FAM124A: variants seen among roughly 807,000 people sequenced by gnomAD.
FAM124A encodes the protein protein FAM124A.
In FAM124A, 23 loss-of-function variants were observed where a neutral mutation model predicts 24.5. The observed-to-expected ratio is 0.94, with a 90% CI of 0.68 to 1.33. FAM124A has a LOEUF of 1.33. Among genes scored for constraint, FAM124A ranks in the 40% most tolerant of loss-of-function variants. The pLI is 0.00. For missense variants in FAM124A, 623 were observed against 722.8 expected (o/e 0.86, Z 1.58); for synonymous variants, 287 against 314.7 (o/e 0.91, Z 0.93).
chr13:51,271,206 C>A (rs562676665), intron 3 of FAM124A, among the ~76,000 whole-genome samples: 97 of 152,288 alleles, frequency 6.4e-4, no homozygotes, highest in Middle Eastern at 6.8e-3. Context: ...ACAGAACGCT[C>A]CTGTGTGCTG....
At chr13:51,223,383 CAG>C (rs1954282394) in intron 1 of FAM124A, among the ~76,000 whole-genome samples, 1 of 152,120 alleles carries the variant, frequency 6.6e-6, no homozygotes, top group African/African-American at 2.4e-5. Context: ...CTTTCCTGTG[CAG>C]AGTCAGCACC....
chr13:51,278,792 G>A (rs934900361), intron 3 of FAM124A, among the ~76,000 whole-genome samples: 11 of 152,202 alleles, frequency 7.2e-5, no homozygotes, highest in Admixed American at 2.0e-4. Flanking sequence ...AAGCACAGTC[G>A]TGAAAATCTC....
rs765161763 is a variant in FAM124A at position 51,251,848 on chromosome 13, G to T, written c.481G>T (p.Ala161Ser). The change falls in exon 3 of 4, where the codon GCC (alanine) becomes TCC (serine). Residue 161 changes from alanine (A) to serine (S), a missense_variant. Coordinates refer to ENST00000322475, the MANE Select transcript of FAM124A (RefSeq NM_001242312.2). The surrounding 1 kb of genome is among the most constrained non-coding windows in gnomAD (Gnocchi z 5.3). Reference sequence around the variant, plus strand: ...GCTGGCCCCTGGGACGCCGCTTTGGGCCATCCGGCCCGTGCACTACGGCAA... The same window carrying T: ...GCTGGCCCCTGGGACGCCGCTTTGGTCCATCCGGCCCGTGCACTACGGCAA... ...FTLAPGTPLW[A>S]IRPVHYGKEI... 6.2e-7 allele frequency: 1 copy of T among 1,611,886 alleles called. No individual in the cohort carries two copies. Among genetic ancestry groups the T allele is most frequent in the South Asian group, 1.1e-5 (1 of 90,728 alleles).
At position 51,244,267 on chromosome 13, in the gene FAM124A, C is replaced by G. The variant is rs1185029315; in HGVS notation, c.101-7201C>G. 2.6e-5 allele frequency among the ~76,000 whole-genome samples: 4 copies of G among 152,180 alleles called. No homozygotes were observed. In the East Asian group the frequency reaches 7.7e-4, roughly 29 times the overall value. On this transcript the variant is annotated intron_variant, in intron 2 of 3. Transcript: ENST00000322475. The stretch of plus-strand genomic sequence containing the variant: ...TGTGTGTGTTCAGTGAAGTGTCTGT[C>G]TGTAGGACTTAGCTACCCGGCTTAC...
intron 3 of FAM124A, among the ~76,000 whole-genome samples, chr13:51,254,423 C>T (rs929573793): frequency 2.6e-5 from 4 of 152,102 alleles, no homozygotes; most frequent in Admixed American, 1.3e-4. Flanking sequence ...CTACTCACCC[C>T]TTGTAAGAAT....
At chr13:51,275,774 A>G (rs7990291) in intron 3 of FAM124A, among the ~76,000 whole-genome samples, 28,477 of 152,174 alleles carry the variant, frequency 0.19, 3,770 homozygotes, top group African/African-American at 0.37. Context: ...AATTCCTGGT[A>G]GAATTATGTA....
At chr13:51,246,383 A>C in intron 2 of FAM124A, among the ~76,000 whole-genome samples, 1 of 119,310 alleles carries the variant, frequency 8.4e-6, no homozygotes, top group East Asian at 2.8e-4. Context: ...CCAGCTCCAC[A>C]GAGGCATGTT....
rs772175192 is a variant in FAM124A at position 51,236,248 on chromosome 13, G to A, written c.100+4869G>A. On this transcript the variant is annotated intron_variant, in intron 2 of 3. Transcript: ENST00000322475. Reference sequence around the variant, plus strand: ...CAGGTGTCTTGGTTAATTACAAGCCGTTATAGCTGGTCTAGAGCCACCACT... The same window carrying A: ...CAGGTGTCTTGGTTAATTACAAGCCATTATAGCTGGTCTAGAGCCACCACT... 6.6e-5 allele frequency among the ~76,000 whole-genome samples: 10 copies of A among 152,314 alleles called. 1 individual carries two copies. The highest frequency in any genetic ancestry group is 3.3e-4 in the Admixed American group (5 of 15,306).
At position 51,272,969 on chromosome 13, in the gene FAM124A, A is replaced by T. The variant is rs1445229969; in HGVS notation, c.835-7481A>T. 6.6e-6 allele frequency among the ~76,000 whole-genome samples: 1 copy of T among 152,234 alleles called. No individual in the cohort carries two copies. Among genetic ancestry groups the T allele is most frequent in the African/African-American group, 2.4e-5 (1 of 41,466 alleles). On this transcript the variant is annotated intron_variant, in intron 3 of 3. Transcript: ENST00000322475. The surrounding 1 kb of genome is among the most constrained non-coding windows in gnomAD (Gnocchi z 4.2). The stretch of plus-strand genomic sequence containing the variant: ...TGCTCTAAGAAATGACACTTGGATA[A>T]GGGTAAAACCTCTTTTTTTCCCCCA...
At chr13:51,268,283 A>G (rs1954808196) in intron 3 of FAM124A, among the ~76,000 whole-genome samples, 1 of 152,242 alleles carries the variant, frequency 6.6e-6, no homozygotes, top group African/African-American at 2.4e-5. Flanking sequence ...TGAAAGGGCA[A>G]TGGAAAGGAG....
chr13:51,252,402 C>T (rs565640196), intron 3 of FAM124A: 11 of 670,074 alleles, frequency 1.6e-5, no homozygotes, highest in African/African-American at 1.6e-4. Context: ...CCCATTGGTT[C>T]TCTTCATTTC....
chr13:51,236,537 G>A (rs369631811), intron 2 of FAM124A, among the ~76,000 whole-genome samples: 1 of 152,236 alleles, frequency 6.6e-6, no homozygotes, highest in African/African-American at 2.4e-5. Flanking sequence ...TTACATTTGT[G>A]ATAAGCCAAT....
Position 51,245,377 on chromosome 13 carries a change from A to C in FAM124A, c.101-6091A>C, listed in dbSNP as rs746890885. On this transcript the variant is annotated intron_variant, in intron 2 of 3. Coordinates refer to ENST00000322475, the MANE Select transcript of FAM124A (RefSeq NM_001242312.2). ...TTACTGTACACACGGTGACAAAGAA[A>C]AGGGAAGATGGAGCCTCCAGGTTGA... is the stretch of plus-strand genomic sequence containing the variant. 4.7e-5 allele frequency: 33 copies of C among 695,254 alleles called. No individual in the cohort carries two copies. The South Asian group carries it at 5.1e-4, about 11-fold the overall frequency. The allele number at this position is 695,254 out of a possible 1,614,324, so 43.1% of individuals were successfully genotyped here. A position where few individuals can be genotyped will look rare whatever the true frequency, so the allele number is the denominator to read the frequency against.
chr13:51,264,547 C>G (rs2085919242), intron 3 of FAM124A, among the ~76,000 whole-genome samples: 1 of 152,098 alleles, frequency 6.6e-6, no homozygotes, highest in South Asian at 2.1e-4. Flanking sequence ...TCACTTGCGC[C>G]CAGGAGTTCC....
intron 2 of FAM124A, among the ~76,000 whole-genome samples, chr13:51,246,004 A>G (rs1954553736): frequency 6.6e-6 from 1 of 152,232 alleles, no homozygotes. Context: ...GCTTTCTTTA[A>G]CACTGTTTTC....
intron 3 of FAM124A, among the ~76,000 whole-genome samples, chr13:51,268,586 G>T (rs530609381): frequency 6.6e-6 from 1 of 152,202 alleles, no homozygotes; most frequent in Non-Finnish European, 1.5e-5. Flanking sequence ...TCAGGGTCCT[G>T]TAGCATGAAC....
At chr13:51,257,493 G>A (rs1328035331) in intron 3 of FAM124A, among the ~76,000 whole-genome samples, 3 of 152,212 alleles carry the variant, frequency 2.0e-5, no homozygotes, top group Non-Finnish European at 4.4e-5. Context: ...ATTTGTGTGC[G>A]TGTGCTTATG....
chr13:51,274,343 T>C (rs977472073), intron 3 of FAM124A, among the ~76,000 whole-genome samples: 2 of 152,224 alleles, frequency 1.3e-5, no homozygotes, highest in African/African-American at 4.8e-5. Flanking sequence ...ATTATACTTA[T>C]CACTTGAGCA....
At chr13:51,250,840 A>G (rs937476183) in intron 2 of FAM124A, among the ~76,000 whole-genome samples, 1 of 152,174 alleles carries the variant, frequency 6.6e-6, no homozygotes, top group Non-Finnish European at 1.5e-5. Flanking sequence ...TGTGGGCAGG[A>G]CTCATCAACA....
Sources: allele counts gnomAD v4.1 joint callset (sites outside exome capture counted in the v4.1 genomes callset), GRCh38; gene constraint gnomAD v4.1.1; non-coding constraint Gnocchi (gnomAD v3.1); transcripts MANE v1.5; gene names NCBI Gene and HGNC (gene_info 2026-07-23, HGNC 2026-07-21).